SEC23B: variants seen among roughly 807,000 people sequenced by gnomAD.
The protein encoded by SEC23B is SEC23 homolog B, COPII component.
In SEC23B, 77 loss-of-function variants were observed where a neutral mutation model predicts 104.3. That is an observed-to-expected ratio of 0.74 (90% CI 0.61 to 0.89). The LOEUF (loss-of-function observed/expected upper bound fraction) is 0.89. SEC23B is among the 40% of genes least tolerant of loss of function. The pLI is 0.00. For missense variants in SEC23B, 885 were observed against 949.4 expected, an observed-to-expected ratio of 0.93 and a Z score of 0.89; for synonymous variants, 338 against 332.5, an observed-to-expected ratio of 1.02 and a Z score of -0.18.
intron 17 of SEC23B, 26 bp downstream of exon 17, chr20:18,551,201 ATTTCT>A (rs754068158): frequency 5.4e-6 from 7 of 1,294,902 alleles, no homozygotes; most frequent in Non-Finnish European, 7.7e-6. Flanking sequence ...TAATTAATTA[ATTTCT>A]TTTTGTTTTT....
At chr20:18,522,688 G>C (rs1489343486) in intron 4 of SEC23B, among the ~76,000 whole-genome samples, 16 of 87,304 alleles carry the variant, frequency 1.8e-4, no homozygotes, top group South Asian at 4.5e-4. Context: ...CAGGCTTTGT[G>C]TGAGCAACAA....
chr20:18,532,874 C>T, intron 11 of SEC23B, 130 bp downstream of exon 11: 1 of 731,566 alleles, frequency 1.4e-6, no homozygotes, highest in Non-Finnish European at 2.5e-6. Flanking sequence ...GGCTAACCCT[C>T]ACTGATGACT....
chr20:18,541,547 A>T (rs1676859073), intron 12 of SEC23B, among the ~76,000 whole-genome samples: 1 of 152,222 alleles, frequency 6.6e-6, no homozygotes, highest in Admixed American at 6.5e-5. Flanking sequence ...AACTGGCCTC[A>T]TTTCAATATT....
chr20:18,525,730 G>A, intron 6 of SEC23B, 58 bp from the exon 7 acceptor site: 1 of 1,585,592 alleles, frequency 6.3e-7, no homozygotes, highest in Non-Finnish European at 8.7e-7. Context: ...GGCACCTAGT[G>A]TTGAAGACCA....
intron 9 of SEC23B, among the ~76,000 whole-genome samples, chr20:18,529,916 T>A (rs1437477104): frequency 6.6e-6 from 1 of 152,256 alleles, no homozygotes; most frequent in African/African-American, 2.4e-5. Flanking sequence ...GAGGCATAAC[T>A]TGCGTCAAGC....
At chr20:18,514,691 G>A (rs1054610077) in intron 3 of SEC23B, among the ~76,000 whole-genome samples, 1 of 152,164 alleles carries the variant, frequency 6.6e-6, no homozygotes, top group Non-Finnish European at 1.5e-5. Context: ...AAATGCCTGT[G>A]GCATTATGTT....
At chr20:18,556,152 G>A (rs554635504) in intron 19 of SEC23B, among the ~76,000 whole-genome samples, 71 of 152,230 alleles carry the variant, frequency 4.7e-4, no homozygotes, top group Non-Finnish European at 8.2e-4. Flanking sequence ...TGATGGGGGA[G>A]CAGCTGTAAA....
chr20:18,531,646 C>CT, intron 10 of SEC23B, among the ~76,000 whole-genome samples: 1 of 94,746 alleles, frequency 1.1e-5, no homozygotes, highest in Admixed American at 1.3e-4. Flanking sequence ...ACGAGTGAAA[C>CT]TGTCTCAAAA....
intron 3 of SEC23B, among the ~76,000 whole-genome samples, chr20:18,514,134 ATGT>A (rs2148887478): frequency 6.6e-6 from 1 of 152,314 alleles, no homozygotes; most frequent in East Asian, 1.9e-4. Flanking sequence ...CTGCAAGTCT[ATGT>A]GTCCTAAGTG....
rs1053289100 is a variant in SEC23B, at chr20:18,527,477, A to G, written c.994-19A>G. 1.4e-6 allele frequency: 2 copies of G among 1,400,676 alleles called. No individual in the cohort carries two copies. The highest frequency in any genetic ancestry group is 2.0e-6 in the Non-Finnish European group (2 of 985,016). 86.8% of individuals were successfully genotyped at this position (1,400,676 alleles called of 1,614,324 possible). A position where few individuals can be genotyped will look rare whatever the true frequency, so the allele number is the denominator to read the frequency against. The stretch of plus-strand genomic sequence containing the variant: ...AATAATGTCACTGTTTCCTAAAGAT[A>G]GCTTTCCTCTCTTCACAGCACTATG... On this transcript the variant is annotated intron_variant, in intron 8 of 19. Transcript: ENST00000650089.
chr20:18,508,106 G>C (rs1381691575), intron 1 of SEC23B, 134 bp downstream of exon 1: 1 of 152,278 alleles, frequency 6.6e-6, no homozygotes, highest in Non-Finnish European at 1.5e-5. Context: ...GGTAGCGGGG[G>C]AATGGATGAT....
At position 18,551,073 on chromosome 20, in the gene SEC23B, C is replaced by G; in HGVS notation, c.1906-16C>G. 6.4e-7 allele frequency: 1 copy of G among 1,565,786 alleles called. No homozygotes were observed. On this transcript the variant is annotated splice_polypyrimidine_tract_variant and intron_variant, in intron 16 of 19. Transcript: ENST00000650089. The stretch of plus-strand genomic sequence containing the variant: ...CAGGGAAGACCAATGCCATCTTTCT[C>G]TCTCTTTTTCTTCAGCCAGTACTCT...
rs1283615407 is a variant in SEC23B, at chr20:18,560,536, C to T, written c.2215-115C>T. On this transcript the variant is annotated intron_variant, in intron 19 of 19. Coordinates refer to ENST00000650089, the MANE Select transcript of SEC23B (RefSeq NM_006363.6). ...GGCAGAGGATGGGGTGATGGGAGTA[C>T]TCGTAGCAGAGGGGACAACACCTGT... is the stretch of plus-strand genomic sequence containing the variant. 5.0e-6 allele frequency: 4 copies of T among 794,646 alleles called. No individual in the cohort carries two copies. In the African/African-American group the frequency reaches 6.7e-5, roughly 13 times the overall value. The allele number at this position is 794,646 out of a possible 1,614,324, so 49.2% of individuals were successfully genotyped here. A position where few individuals can be genotyped will look rare whatever the true frequency, so the allele number is the denominator to read the frequency against.
chr20:18,527,586 A>G lies in SEC23B; in HGVS notation c.1084A>G (p.Met362Val), dbSNP rs1448123798. The change falls in exon 9 of 20, where the codon ATG becomes GTG. Residue 362 changes from methionine (M) to valine (V), a missense_variant. Transcript: ENST00000650089. ...CALDQTGLLE[M>V]KCCANLTGGY... ...CCTTGATCAAACTGGACTTTTGGAG[A>G]TGAAGTGTTGTGCAAATCTTACTGG... 3.1e-6 allele frequency: 5 copies of G among 1,609,722 alleles called. No homozygotes were observed. Among genetic ancestry groups the G allele is most frequent in the African/African-American group, 1.3e-5 (1 of 74,804 alleles).
chr20:18,542,233 G>A, intron 12 of SEC23B, 63 bp from the exon 13 acceptor site: 1 of 1,350,152 alleles, frequency 7.4e-7, no homozygotes, highest in Non-Finnish European at 1.1e-6. Context: ...GAGTACAGTG[G>A]GCTCTGTGAC....
chr20:18,558,341 G>A (rs181500414), intron 19 of SEC23B, among the ~76,000 whole-genome samples: 115 of 152,284 alleles, frequency 7.6e-4, no homozygotes, highest in African/African-American at 2.6e-3. Flanking sequence ...AGTTTTCAGG[G>A]TGGATGGGCA....
intron 12 of SEC23B, among the ~76,000 whole-genome samples, chr20:18,539,963 T>C (rs530953238): frequency 4.1e-4 from 62 of 152,284 alleles, no homozygotes; most frequent in African/African-American, 1.5e-3. Flanking sequence ...CTTCTAATTC[T>C]AGTTATCTTG....
chr20:18,558,618 T>A (rs1291822604), intron 19 of SEC23B, among the ~76,000 whole-genome samples: 2 of 152,232 alleles, frequency 1.3e-5, no homozygotes, highest in African/African-American at 4.8e-5. Flanking sequence ...TTTGGGTAAC[T>A]TCTATTGTTT....
intron 1 of SEC23B, chr20:18,509,530 C>G (rs960259419): frequency 6.6e-6 from 1 of 152,092 alleles, no homozygotes; most frequent in Non-Finnish European, 1.5e-5. Flanking sequence ...TATAAATACT[C>G]AATGAAGTTG....
Sources: gnomAD v4.1 joint callset for allele counts (sites outside exome capture counted in the v4.1 genomes callset) on GRCh38, gnomAD v4.1.1 for gene constraint, MANE v1.5 for transcripts, NCBI Gene and HGNC (gene_info 2026-07-23, HGNC 2026-07-21) for gene names.